Variants in COL19A1 observed in about 807,000 individuals in gnomAD.
COL19A1 encodes collagen type XIX alpha 1 chain, also known as collagen alpha-1(XIX) chain.
In COL19A1, 159 loss-of-function variants were observed where a neutral mutation model predicts 190.2. That is an observed-to-expected ratio of 0.84 (90% CI 0.73 to 0.95). The LOEUF (loss-of-function observed/expected upper bound fraction) is 0.95. Ranked by LOEUF, COL19A1 falls within the 40% of genes least tolerant of loss-of-function variation. The pLI is 0.00. For missense variants in COL19A1, 1,418 were observed against 1,431.9 expected (o/e 0.99, Z 0.16); for synonymous variants, 509 against 458.9 (o/e 1.11, Z -1.39).
At chr6:70,059,926 A>C (rs1780724851) in intron 14 of COL19A1, 1 of 336,302 alleles carries the variant, frequency 3.0e-6, no homozygotes, top group Non-Finnish European at 5.8e-6. Context: ...AAATTGAAGA[A>C]GAAAAAAAAT....
chr6:70,139,914 G>A (rs1007227822), intron 19 of COL19A1, among the ~76,000 whole-genome samples: 7 of 148,836 alleles, frequency 4.7e-5, no homozygotes, highest in South Asian at 2.1e-4. Context: ...CTAGGCTCCC[G>A]GGTTTTTCTC....
At chr6:69,947,688 A>G (rs1773900386) in intron 9 of COL19A1, among the ~76,000 whole-genome samples, 1 of 151,860 alleles carries the variant, frequency 6.6e-6, no homozygotes, top group Middle Eastern at 3.2e-3. Flanking sequence ...TAAAGTTAGC[A>G]CAGCAATAAC....
intron 9 of COL19A1, among the ~76,000 whole-genome samples, chr6:69,946,247 A>G (rs1773788185): frequency 1.3e-5 from 2 of 151,742 alleles, no homozygotes; most frequent in African/African-American, 2.4e-5. Context: ...TACTTTTGGT[A>G]AATATTAAAT....
At chr6:70,037,591 T>C (rs1352558124) in intron 14 of COL19A1, among the ~76,000 whole-genome samples, 1 of 152,250 alleles carries the variant, frequency 6.6e-6, no homozygotes, top group Non-Finnish European at 1.5e-5. Flanking sequence ...GCTCATTTTA[T>C]GTAAGACACA....
intron 1 of COL19A1, among the ~76,000 whole-genome samples, chr6:69,876,739 C>G (rs909566782): frequency 1.3e-5 from 2 of 152,078 alleles, no homozygotes; most frequent in African/African-American, 4.8e-5. Context: ...ATGGATTTCT[C>G]TAAAAATAAG....
intron 11 of COL19A1, among the ~76,000 whole-genome samples, chr6:69,973,265 C>A (rs953959108): frequency 6.6e-6 from 1 of 152,090 alleles, no homozygotes; most frequent in Non-Finnish European, 1.5e-5. Flanking sequence ...TTTGGTCTTC[C>A]CTTTCTCCTT....
chr6:69,986,892 TA>T (rs1243622866), intron 11 of COL19A1, among the ~76,000 whole-genome samples: 4 of 152,162 alleles, frequency 2.6e-5, no homozygotes, highest in African/African-American at 9.7e-5. Flanking sequence ...AGATTTTGGA[TA>T]CTTTTTGTAT....
chr6:69,888,893 C>A (rs1769134455), intron 2 of COL19A1, among the ~76,000 whole-genome samples: 1 of 150,180 alleles, frequency 6.7e-6, no homozygotes, highest in Non-Finnish European at 1.5e-5. Context: ...AACTGGTGTT[C>A]TTTTTCCCAA....
In COL19A1 at chr6:69,927,934, G is replaced by C; in HGVS notation, c.292G>C (p.Glu98Gln). 6.2e-7 allele frequency: 1 copy of C among 1,612,778 alleles called. No homozygotes were observed. Among genetic ancestry groups the C allele is most frequent in the Non-Finnish European group, 8.5e-7 (1 of 1,179,110 alleles). Reference sequence around the variant, plus strand: ...TAAGATATTTCCCAAAGGCCTTCCTGAGGAGTACTCAGTAGCTGCCATGTT... The same window carrying C: ...TAAGATATTTCCCAAAGGCCTTCCTCAGGAGTACTCAGTAGCTGCCATGTT... ...TIKIFPKGLPEEYSVAAMFRV... is the reference protein window; with the variant it reads ...TIKIFPKGLPQEYSVAAMFRV... The change falls in exon 5 of 51, where the codon GAG becomes CAG. Residue 98 changes from glutamate to glutamine, a missense_variant. Glu to Gln is a conservative substitution (Grantham distance 29, BLOSUM62 2). Transcript: ENST00000620364.
chr6:70,205,054 T>C (rs1393295243), intron 49 of COL19A1, among the ~76,000 whole-genome samples: 3 of 152,242 alleles, frequency 2.0e-5, no homozygotes, highest in Non-Finnish European at 2.9e-5. Context: ...ATGTCACATG[T>C]CAAAGCCACT....
At chr6:69,981,832 A>G (rs1018339587) in intron 11 of COL19A1, among the ~76,000 whole-genome samples, 2 of 152,142 alleles carry the variant, frequency 1.3e-5, no homozygotes, top group African/African-American at 4.8e-5. Context: ...CAAAGAAAAC[A>G]TTTTAAAATC....
intron 17 of COL19A1, 119 bp downstream of exon 17, chr6:70,122,061 A>G: frequency 1.7e-6 from 1 of 598,164 alleles, no homozygotes. Flanking sequence ...ACATGTATTT[A>G]AACATCTTTC....
At chr6:70,122,411 C>T (rs1280598289) in intron 17 of COL19A1, among the ~76,000 whole-genome samples, 2 of 69,946 alleles carry the variant, frequency 2.9e-5, no homozygotes, top group African/African-American at 9.6e-5. Flanking sequence ...AATTTCCCCA[C>T]GGTTTTTTTT....
chr6:70,160,511 T>C (rs1466660422), intron 34 of COL19A1, among the ~76,000 whole-genome samples: 1 of 152,142 alleles, frequency 6.6e-6, no homozygotes, highest in Non-Finnish European at 1.5e-5. Flanking sequence ...TTTCCCAAGT[T>C]TGGCTTTGTT....
intron 11 of COL19A1, among the ~76,000 whole-genome samples, chr6:69,968,112 G>C (rs1274779235): frequency 6.6e-6 from 1 of 152,058 alleles, no homozygotes; most frequent in Non-Finnish European, 1.5e-5. Context: ...GGTGCTGATT[G>C]TATTAGTATT....
At chr6:69,899,157 T>C in intron 3 of COL19A1, 135 bp downstream of exon 3, 1 of 609,966 alleles carries the variant, frequency 1.6e-6, no homozygotes, top group East Asian at 2.9e-5. Context: ...TTTTAAGAAT[T>C]CTTTTTAATT....
rs143287564 is a variant in COL19A1, at chr6:70,174,148, C to A, written c.2622+2131C>A. On this transcript the variant is annotated intron_variant, in intron 41 of 50. Transcript: ENST00000620364. ...GGAAGCAAGGCCATTAATCTGAGAG[C>A]AAGGTAGGGTAAGAGGTTGGGGAGA... Among the ~76,000 whole-genome samples, 383 of 152,224 alleles carry A rather than the reference C, an allele frequency of 2.5e-3. 3 individuals are homozygous for A. The highest frequency in any genetic ancestry group is 8.8e-3 in the African/African-American group (367 of 41,522).
chr6:70,138,643 G>C (rs905361046), intron 19 of COL19A1, among the ~76,000 whole-genome samples: 2 of 152,054 alleles, frequency 1.3e-5, no homozygotes, highest in Non-Finnish European at 2.9e-5. Context: ...ATTATTTAAA[G>C]TATTCAGTGT....
At chr6:70,163,435 C>G (rs780455762) in intron 36 of COL19A1, 39 bp downstream of exon 36, 2 of 1,590,400 alleles carry the variant, frequency 1.3e-6, no homozygotes, top group Admixed American at 3.4e-5. Flanking sequence ...CAAACTGGGG[C>G]TTGGAGTGGG....
Sources: allele counts gnomAD v4.1 joint callset (sites outside exome capture counted in the v4.1 genomes callset), GRCh38; gene constraint gnomAD v4.1.1; transcripts MANE v1.5; gene names NCBI Gene and HGNC (gene_info 2026-07-23, HGNC 2026-07-21).